CD300A: variants seen among roughly 807,000 people sequenced by gnomAD.
CD300A encodes the protein CMRF35-like molecule 8.
A neutral mutation model predicts 33.6 loss-of-function variants in CD300A; 22 were observed. The ratio of observed to expected loss-of-function variants is 0.66; its 90% CI spans 0.47 to 0.94. CD300A has a LOEUF of 0.94. CD300A is among the 40% of genes least tolerant of loss of function. The pLI is 0.00. For missense variants in CD300A, 326 were observed against 360.5 expected (o/e 0.90, Z 0.77); for synonymous variants, 136 against 148.1 (o/e 0.92, Z 0.59).
At position 74,473,569 on chromosome 17, in the gene CD300A, C is replaced by A. The variant is rs200229648; in HGVS notation, c.74C>A (p.Ala25Glu). ...GCTCTGAGCAAATGCAGGACCGTGG[C>A]GGGCCCCGTGGGGGGATCCCTGAGT... ...CFALSKCRTV[A>E]GPVGGSLSVQ... Residue 25 changes from alanine (A) to glutamate (E), a missense_variant, in exon 2 of 7, where the codon GCG becomes GAG. By Grantham distance (107) the Ala-to-Glu change is moderately radical. Transcript: ENST00000360141. 6.2e-7 allele frequency: 1 copy of A among 1,613,668 alleles called. No homozygotes were observed. Among genetic ancestry groups the A allele is most frequent in the Non-Finnish European group, 8.5e-7 (1 of 1,179,710 alleles).
intron 6 of CD300A, among the ~76,000 whole-genome samples, chr17:74,482,953 G>A (rs377389414): frequency 5.9e-4 from 90 of 151,590 alleles, no homozygotes; most frequent in Middle Eastern, 3.4e-3. Flanking sequence ...CAAGTGATCC[G>A]CCTGCCCTGA....
In CD300A at chr17:74,466,746, G is replaced by A. The variant is rs776880841; in HGVS notation, c.40+3G>A. On this transcript the variant is annotated splice_donor_region_variant and intron_variant, in intron 1 of 6. Transcript: ENST00000360141. ...TCTGTTGCTTCTCTGGGTCCCAGGT[G>A]AGAGTTTCCCTTCCCGGGAAAGTCT... The A allele has an allele frequency of 1.9e-6, 3 of 1,589,140 alleles. No individual in the cohort carries two copies. Among genetic ancestry groups the A allele is most frequent in the African/African-American group, 1.3e-5 (1 of 74,550 alleles).
rs532859747 is a variant in CD300A at position 74,469,673 on chromosome 17, A to C, written c.40+2930A>C. ...AACCCCGTGTCTCCTAAAAACACAA[A>C]ATTAGCCAGGCATGGTAGTGTGCAC... is the stretch of plus-strand genomic sequence containing the variant. On this transcript the variant is annotated intron_variant, in intron 1 of 6. Transcript: ENST00000360141. Among the ~76,000 whole-genome samples, 5 of 152,222 alleles carry C rather than the reference A, an allele frequency of 3.3e-5. No individual in the cohort carries two copies. In the South Asian group the frequency reaches 1.0e-3, roughly 32 times the overall value.
intron 3 of CD300A, among the ~76,000 whole-genome samples, chr17:74,475,403 T>C (rs1451965304): frequency 6.6e-6 from 1 of 152,136 alleles, no homozygotes; most frequent in Non-Finnish European, 1.5e-5. Context: ...ATGAGTAAAC[T>C]GAGACTCAGC....
chr17:74,474,169 G>T (rs996538373), intron 2 of CD300A, among the ~76,000 whole-genome samples: 1 of 135,320 alleles, frequency 7.4e-6, no homozygotes, highest in Middle Eastern at 3.3e-3. Context: ...TGGGGGAGGG[G>T]TGGGGCTGAA....
intron 1 of CD300A, among the ~76,000 whole-genome samples, chr17:74,467,684 G>C (rs1406683456): frequency 6.6e-6 from 1 of 152,158 alleles, no homozygotes; most frequent in African/African-American, 2.4e-5. Context: ...AATTATATTT[G>C]CTAACTACTT....
intron 1 of CD300A, among the ~76,000 whole-genome samples, chr17:74,469,727 A>T (rs1905968256): frequency 6.6e-6 from 1 of 152,184 alleles, no homozygotes; most frequent in Non-Finnish European, 1.5e-5. Flanking sequence ...CGGGAGGCTG[A>T]GACATGAGAG....
chr17:74,480,728 A>T lies in CD300A; in HGVS notation c.629-561A>T, dbSNP rs1906781821. On this transcript the variant is annotated intron_variant, in intron 4 of 6. Coordinates refer to ENST00000360141, the MANE Select transcript of CD300A (RefSeq NM_007261.4). This position sits in a 1 kb window ranked among gnomAD's most constrained non-coding sequence, Gnocchi z 4.2. ...TTTTGGTCCCTCTCCTCCAGCTGGG[A>T]GCTTTCTTTCCTTTCTTTCTTTCTT... Among the ~76,000 whole-genome samples the T allele has an allele frequency of 2.8e-5, 4 of 141,954 alleles. No homozygotes were observed. The Admixed American group carries it at 3.1e-4, about 11-fold the overall frequency. The allele number at this position is 141,954 out of a possible 152,430, so 93.1% of individuals were successfully genotyped here.
rs59151059 is a variant in CD300A, at chr17:74,469,058, A to C, written c.40+2315A>C. 8.4e-3 allele frequency among the ~76,000 whole-genome samples: 1,285 copies of C among 152,326 alleles called. 21 individuals carry two copies. The highest frequency in any genetic ancestry group is 0.029 in the African/African-American group (1,226 of 41,578). ...TTATGCTGGCTTCATGGAAAGAATT[A>C]GGGAGATCTCCCTGTTTCCGTGTTC... On this transcript the variant is annotated intron_variant, in intron 1 of 6. Coordinates refer to ENST00000360141, the MANE Select transcript of CD300A (RefSeq NM_007261.4).
At chr17:74,481,680 C>T (rs1252781512) in intron 5 of CD300A, 46 bp from the exon 6 acceptor site, 1 of 1,375,566 alleles carries the variant, frequency 7.3e-7, no homozygotes, top group East Asian at 2.4e-5. Context: ...GGGACAGAGG[C>T]TGCAGGGCTC....
intron 3 of CD300A, among the ~76,000 whole-genome samples, chr17:74,475,787 A>G (rs1906422195): frequency 1.3e-5 from 2 of 151,934 alleles, no homozygotes; most frequent in Non-Finnish European, 2.9e-5. Flanking sequence ...AGGCCACCAC[A>G]CTTCTGACCA....
chr17:74,476,944 T>C (rs922077140), intron 3 of CD300A, among the ~76,000 whole-genome samples: 1 of 152,056 alleles, frequency 6.6e-6, no homozygotes, highest in Non-Finnish European at 1.5e-5. Context: ...AAAGAAACTC[T>C]GGAAGGTTCT....
chr17:74,477,256 G>T (rs1009942293), intron 3 of CD300A, among the ~76,000 whole-genome samples, 180 bp from the exon 4 acceptor site: 1 of 152,112 alleles, frequency 6.6e-6, no homozygotes, highest in Admixed American at 6.5e-5. Context: ...GGAGGCTGAG[G>T]CAGGAGGATC....
At chr17:74,475,661 C>G (rs1281335108) in intron 3 of CD300A, among the ~76,000 whole-genome samples, 1 of 152,142 alleles carries the variant, frequency 6.6e-6, no homozygotes, top group Non-Finnish European at 1.5e-5. Context: ...ACAATTCCAT[C>G]CTGGCACTAT....
chr17:74,474,935 A>G (rs1359774421), intron 3 of CD300A, among the ~76,000 whole-genome samples: 1 of 152,152 alleles, frequency 6.6e-6, no homozygotes, highest in Non-Finnish European at 1.5e-5. Flanking sequence ...GTAACATCCT[A>G]CGAGGCCCGT....
In CD300A at chr17:74,473,827, G is replaced by A. The variant is rs2272111; in HGVS notation, c.332G>A (p.Arg111Gln). 366,370 of 1,613,062 alleles carry A rather than the reference G, an allele frequency of 0.23. 49,270 individuals are homozygous for A. The highest frequency in any genetic ancestry group is 0.64 in the African/African-American group (47,971 of 74,912). Residue 111 changes from arginine to glutamine, a missense_variant, in exon 2 of 7, where the codon CGA (arginine) becomes CAA (glutamine). Coordinates refer to ENST00000360141, the MANE Select transcript of CD300A (RefSeq NM_007261.4). Reference sequence around the variant, plus strand: ...TGTGGGGTGGATACACCATGGCTCCGAGACTTTCATGATCCCGTTGTCGAG... The same window carrying A: ...TGTGGGGTGGATACACCATGGCTCCAAGACTTTCATGATCCCGTTGTCGAG... ...YWCGVDTPWL[R>Q]DFHDPVVEVE...
chr17:74,477,920 C>T (rs1424795443), intron 4 of CD300A, among the ~76,000 whole-genome samples: 3 of 152,148 alleles, frequency 2.0e-5, no homozygotes, highest in Non-Finnish European at 4.4e-5. Flanking sequence ...CTGCGCAACA[C>T]AACAAGGCTC....
At chr17:74,467,070 G>C in intron 1 of CD300A, 1 of 1,162,806 alleles carries the variant, frequency 8.6e-7, no homozygotes, top group Non-Finnish European at 1.1e-6. Context: ...GGATGTGTCA[G>C]GGTGGGTGGA....
At position 74,481,887 on chromosome 17, in the gene CD300A, AC is replaced by A. The variant is rs932508899; in HGVS notation, c.774+58del. 9 of 1,374,030 alleles carry A rather than the reference AC, an allele frequency of 6.6e-6. No individual in the cohort carries two copies. In the African/African-American group the frequency reaches 1.5e-4, roughly 24 times the overall value. 85.1% of individuals were successfully genotyped at this position (1,374,030 alleles called of 1,614,324 possible). On this transcript the variant is annotated intron_variant, in intron 6 of 6. Coordinates refer to ENST00000360141, the MANE Select transcript of CD300A (RefSeq NM_007261.4). ...TGCGGCCCCTGGGCTGTGCCAGGGCACCCCTGGGAGGGTGGGCAGAAGGGGA... is the reference window on the plus strand; with the variant it reads ...TGCGGCCCCTGGGCTGTGCCAGGGCACCCTGGGAGGGTGGGCAGAAGGGGA...
Sources: allele counts gnomAD v4.1 joint callset (sites outside exome capture counted in the v4.1 genomes callset), GRCh38; gene constraint gnomAD v4.1.1; non-coding constraint Gnocchi (gnomAD v3.1); transcripts MANE v1.5; gene names NCBI Gene and HGNC (gene_info 2026-07-23, HGNC 2026-07-21).